The following UGT2A3 variants were observed in gnomAD, a reference collection of about 807,000 sequenced individuals.
UGT2A3 encodes the protein UDP glucuronosyltransferase family 2 member A3, also known as UDP-glucuronosyltransferase 2A3.
UGT2A3 carries 55 observed loss-of-function variants against 44.1 expected under a neutral mutation model. The observed-to-expected ratio is 1.25, with a 90% CI of 1.00 to 1.56. The LOEUF is 1.56. UGT2A3 is among the 40% of genes most tolerant of loss of function. The pLI, the probability that UGT2A3 is intolerant of heterozygous loss-of-function variation, is 0.00. For synonymous variants in UGT2A3, 243 were observed against 215.1 expected (o/e 1.13, Z -1.13); for missense variants, 733 against 621.6 (o/e 1.18, Z -1.91).
intron 2 of UGT2A3, among the ~76,000 whole-genome samples, chr4:68,934,569 A>C (rs557557747): frequency 6.6e-6 from 1 of 152,114 alleles, no homozygotes; most frequent in African/African-American, 2.4e-5. Context: ...ATAAAATGGG[A>C]GATTACAAAG....
Position 68,929,999 on chromosome 4 carries a change from C to G in UGT2A3, c.1398G>C (p.Met466Ile). Residue 466 changes from methionine (M) to isoleucine (I), a missense_variant, in exon 6 of 6, where the codon ATG becomes ATC. Met to Ile is a conservative substitution (Grantham distance 10, BLOSUM62 1). Transcript: ENST00000251566. Reference sequence around the variant, plus strand: ...GCAGGTGCTTGGCTCCTTTGTGGCGCATGACAAACTCGATCCAGAAGACTG... The same window carrying G: ...GCAGGTGCTTGGCTCCTTTGTGGCGGATGACAAACTCGATCCAGAAGACTG... ...DRAVFWIEFV[M>I]RHKGAKHLRS... The G allele has an allele frequency of 1.2e-6, 2 of 1,613,588 alleles. No individual in the cohort carries two copies. Among genetic ancestry groups the G allele is most frequent in the South Asian group, 2.2e-5 (2 of 91,068 alleles).
intron 2 of UGT2A3, among the ~76,000 whole-genome samples, chr4:68,938,889 G>A (rs906798807): frequency 1.3e-5 from 2 of 152,048 alleles, no homozygotes; most frequent in Admixed American, 6.6e-5. Context: ...AAAATCACAA[G>A]CATTCCTATA....
At position 68,929,707 on chromosome 4, in the gene UGT2A3, AAAATAACAG is replaced by A; in HGVS notation, c.*97_*105del. 2 of 1,078,984 alleles carry A rather than the reference AAAATAACAG, an allele frequency of 1.9e-6. No homozygotes were observed. Among genetic ancestry groups the A allele is most frequent in the Non-Finnish European group, 2.7e-6 (2 of 745,530 alleles). 66.8% of individuals were successfully genotyped at this position (1,078,984 alleles called of 1,614,324 possible). A position where few individuals can be genotyped will look rare whatever the true frequency, so the allele number is the denominator to read the frequency against. On this transcript the variant is annotated 3_prime_UTR_variant, in exon 6 of 6. Transcript: ENST00000251566. ...GAATTCTAGGCTATATAGCTAAGAT[AAAATAACAG>A]AATAGATAATATGAAAATAGCAAGG... is the stretch of plus-strand genomic sequence containing the variant.
At position 68,929,727 on chromosome 4, in the gene UGT2A3, A is replaced by G; in HGVS notation, c.*86T>C. ...AAGATAAAATAACAGAATAGATAAT[A>G]TGAAAATAGCAAGGTTTTCACCAAA... On this transcript the variant is annotated 3_prime_UTR_variant, in exon 6 of 6. Coordinates refer to ENST00000251566, the MANE Select transcript of UGT2A3 (RefSeq NM_024743.4). 4.9e-6 allele frequency: 6 copies of G among 1,229,742 alleles called. No homozygotes were observed. Among genetic ancestry groups the G allele is most frequent in the Non-Finnish European group, 6.8e-6 (6 of 878,198 alleles). 76.2% of individuals were successfully genotyped at this position (1,229,742 alleles called of 1,614,324 possible).
intron 1 of UGT2A3, among the ~76,000 whole-genome samples, chr4:68,948,439 C>CTTTTTTTTTTTTT (rs60082800): frequency 1.1e-4 from 12 of 110,156 alleles, no homozygotes; most frequent in African/African-American, 3.9e-4. Flanking sequence ...TCTTTTTTTT[C>CTTTTTTTTTTTTT]TTTTTTTTTT....
rs780216071 is a variant in UGT2A3, at chr4:68,932,531, T to C, written c.996+97A>G. 6.7e-5 allele frequency: 97 copies of C among 1,447,842 alleles called. No individual in the cohort carries two copies. The Admixed American group carries it at 8.5e-4, about 13-fold the overall frequency. The allele number at this position is 1,447,842 out of a possible 1,614,324, so 89.7% of individuals were successfully genotyped here. ...ATAATGTTTTGCAAATTTTGGTACC[T>C]GTTATGCTAAGTGGAAAATGAGATT... On this transcript the variant is annotated intron_variant, in intron 3 of 5. Transcript: ENST00000251566.
chr4:68,945,278 A>G, intron 2 of UGT2A3, 28 bp downstream of exon 2: 2 of 1,609,124 alleles, frequency 1.2e-6, no homozygotes, highest in Non-Finnish European at 8.5e-7. Flanking sequence ...CATAAAGTAC[A>G]TAATATTCCT....
intron 1 of UGT2A3, among the ~76,000 whole-genome samples, chr4:68,948,752 CTTGT>C (rs1482805229): frequency 6.6e-6 from 1 of 151,840 alleles, no homozygotes; most frequent in African/African-American, 2.4e-5. Context: ...GCACTCACAT[CTTGT>C]TTAACTGTTT....
chr4:68,940,337 G>C (rs1577851458), intron 2 of UGT2A3, among the ~76,000 whole-genome samples: 1 of 152,090 alleles, frequency 6.6e-6, no homozygotes, highest in Non-Finnish European at 1.5e-5. Context: ...AGAAAACGTA[G>C]CACATATACA....
Position 68,930,030 on chromosome 4 carries a change from T to C in UGT2A3, c.1367A>G (p.Asp456Gly), listed in dbSNP as rs770906936. The change falls in exon 6 of 6, where the codon GAT becomes GGT. Residue 456 changes from aspartate (D) to glycine (G), a missense_variant. Coordinates refer to ENST00000251566, the MANE Select transcript of UGT2A3 (RefSeq NM_024743.4). ...AAACTCGATCCAGAAGACTGCTCGA[T>C]CTAGGGGCTTTACAGGTTGATCATG... The part of the protein sequence containing the change: ...IHHDQPVKPL[D>G]RAVFWIEFVM... 5.0e-6 allele frequency: 8 copies of C among 1,613,346 alleles called. No individual in the cohort carries two copies. Among genetic ancestry groups the C allele is most frequent in the Admixed American group, 1.7e-5 (1 of 59,950 alleles).
chr4:68,948,960 G>T (rs1466396742), intron 1 of UGT2A3, among the ~76,000 whole-genome samples: 1 of 151,816 alleles, frequency 6.6e-6, no homozygotes, highest in African/African-American at 2.4e-5. Context: ...AGAAGATGTT[G>T]GGAGCCAGCA....
rs1292400697 is a variant in UGT2A3 at position 68,929,818 on chromosome 4, C to A, written c.1579G>T (p.Glu527Ter). Residue 527 changes from glutamate (E) to a stop codon, truncating the protein, a stop_gained, in exon 6 of 6, where the codon GAA becomes TAA. Coordinates refer to ENST00000251566, the MANE Select transcript of UGT2A3 (RefSeq NM_024743.4). LOFTEE classifies it high-confidence loss of function. Reference sequence around the variant, plus strand: ...TTTCTTGAATTTGGAAAGATCTATTCCCTCTTTTCTATCTTTCTAGTTTTA... The same window carrying A: ...TTTCTTGAATTTGGAAAGATCTATTACCTCTTTTCTATCTTTCTAGTTTTA... Reference protein sequence around the residue: ...FNKTRKIEKRE With the variant: ...FNKTRKIEKR 4.4e-6 allele frequency: 7 copies of A among 1,587,408 alleles called. No homozygotes were observed. Among genetic ancestry groups the A allele is most frequent in the Non-Finnish European group, 5.2e-6 (6 of 1,164,142 alleles).
intron 4 of UGT2A3, 145 bp from the exon 5 acceptor site, chr4:68,930,910 C>G (rs1230637336): frequency 1.3e-6 from 1 of 786,750 alleles, no homozygotes; most frequent in East Asian, 2.7e-5. Flanking sequence ...AGCATTGCTA[C>G]TAAAGATCAT....
In UGT2A3 at chr4:68,929,168, AG is replaced by A. The variant is rs1333532537; in HGVS notation, c.*644del. On this transcript the variant is annotated 3_prime_UTR_variant, in exon 6 of 6. Coordinates refer to ENST00000251566, the MANE Select transcript of UGT2A3 (RefSeq NM_024743.4). ...TGTTATTTGATGGCAATCATGAGAA[AG>A]GTCTTTTTATCATCAAGAAAACAGA... 2 of 152,152 alleles carry A rather than the reference AG, an allele frequency of 1.3e-5. No individual in the cohort carries two copies. The highest frequency in any genetic ancestry group is 2.9e-5 in the Non-Finnish European group (2 of 68,014). The allele number at this position is 152,152 out of a possible 1,614,324, so 9.4% of individuals were successfully genotyped here.
At chr4:68,943,374 C>A (rs1358412290) in intron 2 of UGT2A3, 1 of 1,239,150 alleles carries the variant, frequency 8.1e-7, no homozygotes, top group South Asian at 1.4e-5. Context: ...TCTGGTATAA[C>A]TTTCCTGGTA....
rs983204887 is a variant in UGT2A3, at chr4:68,929,607, A to T, written c.*206T>A. Reference sequence around the variant, plus strand: ...ATGTATTCATGTCCTTGTGTCACAAAGTGAGAGAAGAGAGTAAAGACACCT... The same window carrying T: ...ATGTATTCATGTCCTTGTGTCACAATGTGAGAGAAGAGAGTAAAGACACCT... On this transcript the variant is annotated 3_prime_UTR_variant, in exon 6 of 6. Coordinates refer to ENST00000251566, the MANE Select transcript of UGT2A3 (RefSeq NM_024743.4). 14 of 474,292 alleles carry T rather than the reference A, an allele frequency of 3.0e-5. No homozygotes were observed. Among genetic ancestry groups the T allele is most frequent in the African/African-American group, 2.7e-4 (14 of 51,332 alleles). 29.4% of individuals were successfully genotyped at this position (474,292 alleles called of 1,614,324 possible). A position where few individuals can be genotyped will look rare whatever the true frequency, so the allele number is the denominator to read the frequency against.
At chr4:68,935,778 A>G (rs1717929789) in intron 2 of UGT2A3, among the ~76,000 whole-genome samples, 1 of 152,072 alleles carries the variant, frequency 6.6e-6, no homozygotes, top group African/African-American at 2.4e-5. Flanking sequence ...CTAAAGGAGC[A>G]TGTTCTAACC....
rs767127535 is a variant in UGT2A3 at position 68,945,376 on chromosome 4, G to C, written c.794C>G (p.Pro265Arg). 6.2e-7 allele frequency: 1 copy of C among 1,611,436 alleles called. No individual in the cohort carries two copies. Among genetic ancestry groups the C allele is most frequent in the South Asian group, 1.1e-5 (1 of 90,984 alleles). Residue 265 changes from proline to arginine, a missense_variant, in exon 2 of 6, where the codon CCT (proline) becomes CGT (arginine). Transcript: ENST00000251566. The part of the protein sequence containing the change: ...LIRTYWDFEF[P>R]QPYQPNFEFV... ...CTCAAAGTTAGGTTGGTATGGTTGA[G>C]GAAATTCAAAATCCCAATATGTTCG...
intron 2 of UGT2A3, among the ~76,000 whole-genome samples, chr4:68,936,887 G>GAAAAAAAAAA (rs1289704368): frequency 5.3e-4 from 4 of 7,582 alleles, no homozygotes; most frequent in Admixed American, 1.7e-3. Flanking sequence ...TAAATGGAAA[G>GAAAAAAAAAA]CAAAAAAAAA....
Sources: gnomAD v4.1 joint callset for allele counts (sites outside exome capture counted in the v4.1 genomes callset) on GRCh38, gnomAD v4.1.1 for gene constraint, MANE v1.5 for transcripts, NCBI Gene and HGNC (gene_info 2026-07-23, HGNC 2026-07-21) for gene names.